ZFYVE28: variants seen among roughly 807,000 people sequenced by gnomAD.
ZFYVE28 encodes zinc finger FYVE-type containing 28.
A neutral mutation model predicts 82.1 loss-of-function variants in ZFYVE28; 40 were observed. The ratio of observed to expected loss-of-function variants is 0.49; its 90% CI spans 0.38 to 0.63. ZFYVE28 has a LOEUF of 0.63. Among genes scored for constraint, ZFYVE28 ranks in the 30% least tolerant of loss-of-function variants. The probability of loss-of-function intolerance (pLI) is 0.00; values close to 1 mark genes in which losing one functional copy is unlikely to be tolerated. For synonymous variants in ZFYVE28, 612 were observed against 546.1 expected (o/e 1.12, Z -1.68); for missense variants, 1,321 against 1,242.1 (o/e 1.06, Z -0.96).
At chr4:2,337,607 CG>C (rs891249004) in intron 4 of ZFYVE28, 111 bp from the exon 5 acceptor site, 6 of 696,812 alleles carry the variant, frequency 8.6e-6, no homozygotes, top group African/African-American at 1.9e-5. Flanking sequence ...AAGGTGGGGG[CG>C]GGGGGCCTCA....
At chr4:2,331,990 C>G (rs1051472076) in intron 6 of ZFYVE28, among the ~76,000 whole-genome samples, 3 of 152,226 alleles carry the variant, frequency 2.0e-5, no homozygotes, top group Non-Finnish European at 4.4e-5. Flanking sequence ...AGCTGTTGAC[C>G]CCCAGCGGTG....
chr4:2,273,054 CT>C, intron 10 of ZFYVE28, 118 bp downstream of exon 10: 1 of 807,968 alleles, frequency 1.2e-6, no homozygotes, highest in Non-Finnish European at 2.0e-6. Flanking sequence ...TCGACGATTG[CT>C]TGGTCGGGAC....
chr4:2,375,782 C>A (rs181503619), intron 1 of ZFYVE28, among the ~76,000 whole-genome samples: 4 of 152,188 alleles, frequency 2.6e-5, no homozygotes, highest in African/African-American at 7.2e-5. Context: ...CCATGTGGGG[C>A]GATTGGAGCC....
At chr4:2,337,544 G>GC in intron 4 of ZFYVE28, 48 bp from the exon 5 acceptor site, 1 of 1,509,664 alleles carries the variant, frequency 6.6e-7, no homozygotes, top group South Asian at 1.3e-5. Context: ...CTGTGGCGGG[G>GC]CCCCTCCAAA....
At chr4:2,367,645 T>C (rs2239723) in intron 1 of ZFYVE28, among the ~76,000 whole-genome samples, 50,915 of 152,260 alleles carry the variant, frequency 0.33, 9,121 homozygotes, top group East Asian at 0.47. Context: ...TCCAAGGTTG[T>C]GGGCCAAGAG....
rs1553865250 is a variant in ZFYVE28, at chr4:2,398,694, G to GGCCAAGATCCAGGGCACAATAGGT, written c.39+19590_39+19591insACCTATTGTGCCCTGGATCTTGGC. 5.9e-4 allele frequency among the ~76,000 whole-genome samples: 68 copies of GGCCAAGATCCAGGGCACAATAGGT among 116,060 alleles called. 5 individuals are homozygous for GGCCAAGATCCAGGGCACAATAGGT. Among genetic ancestry groups the GGCCAAGATCCAGGGCACAATAGGT allele is most frequent in the African/African-American group, 2.3e-3 (68 of 29,418 alleles). The allele number at this position is 116,060 out of a possible 152,430, so 76.1% of individuals were successfully genotyped here. A position where few individuals can be genotyped will look rare whatever the true frequency, so the allele number is the denominator to read the frequency against. ...GGAGCGAGATCCAGGGCACAATGGG[G>GGCCAAGATCCAGGGCACAATAGGT]GGTCGAGATCCAGGGCACAAGCGGG... On this transcript the variant is annotated intron_variant, in intron 1 of 12. Transcript: ENST00000290974.
intron 8 of ZFYVE28, among the ~76,000 whole-genome samples, chr4:2,285,003 A>G (rs1253427242): frequency 6.6e-6 from 1 of 152,220 alleles, no homozygotes; most frequent in Non-Finnish European, 1.5e-5. Context: ...CCTTATTTGG[A>G]AACAGGGTCA....
At chr4:2,293,568 A>T (rs889966856) in intron 8 of ZFYVE28, among the ~76,000 whole-genome samples, 8 of 152,000 alleles carry the variant, frequency 5.3e-5, no homozygotes, top group African/African-American at 1.9e-4. Flanking sequence ...CCTGGCTAAC[A>T]CGGTGAAACC....
At chr4:2,373,432 A>G (rs1426308312) in intron 1 of ZFYVE28, among the ~76,000 whole-genome samples, 1 of 152,166 alleles carries the variant, frequency 6.6e-6, no homozygotes, top group Admixed American at 6.5e-5. Context: ...CCCAGAGGTT[A>G]AGGCAACATT....
At chr4:2,392,079 A>G (rs1256218714) in intron 1 of ZFYVE28, among the ~76,000 whole-genome samples, 1 of 151,636 alleles carries the variant, frequency 6.6e-6, no homozygotes, top group African/African-American at 2.4e-5. Context: ...ACTTGAACCC[A>G]GCAGGCAGAG....
chr4:2,404,886 G>C (rs1221325431), intron 1 of ZFYVE28, among the ~76,000 whole-genome samples: 3 of 139,768 alleles, frequency 2.1e-5, no homozygotes, highest in Non-Finnish European at 4.5e-5. Context: ...TTGAGAGAGG[G>C]TCTTGCTCTG....
At chr4:2,295,173 G>A (rs926756792) in intron 8 of ZFYVE28, among the ~76,000 whole-genome samples, 9 of 151,310 alleles carry the variant, frequency 5.9e-5, no homozygotes, top group Non-Finnish European at 1.2e-4. Context: ...TTTTGTTTTC[G>A]TTTTTTGAGA....
chr4:2,343,122 TC>T (rs1458621309), intron 2 of ZFYVE28: 4 of 152,170 alleles, frequency 2.6e-5, no homozygotes, highest in African/African-American at 9.7e-5. Context: ...TGCCTAATCC[TC>T]CACCTCCACG....
At position 2,304,780 on chromosome 4, in the gene ZFYVE28, G is replaced by A; in HGVS notation, c.1560C>T (p.Asn520=). Residue 520 remains asparagine (N), a synonymous_variant, in exon 8 of 13, where the codon AAC becomes AAT. Coordinates refer to ENST00000290974, the MANE Select transcript of ZFYVE28 (RefSeq NM_020972.3). ...GMKLSATVIF[N]PKSPTSLDSA... is the part of the protein sequence containing the mutation. ...AGTCCAGGGAAGTGGGCGATTTGGG[G>A]TTGAAGATGACCGTGGCTGAGAGCT... The A allele has an allele frequency of 1.9e-6, 3 of 1,612,684 alleles. No homozygotes were observed. The highest frequency in any genetic ancestry group is 2.2e-5 in the East Asian group (1 of 44,878).
At chr4:2,316,072 G>A (rs557640108) in intron 7 of ZFYVE28, 6 of 152,196 alleles carry the variant, frequency 3.9e-5, no homozygotes, top group Middle Eastern at 3.4e-3. Flanking sequence ...TGCTGGGTCC[G>A]ATCTGCTATT....
At chr4:2,333,192 C>A (rs1720996772) in intron 6 of ZFYVE28, among the ~76,000 whole-genome samples, 1 of 147,858 alleles carries the variant, frequency 6.8e-6, no homozygotes, top group Non-Finnish European at 1.5e-5. Context: ...TCCCCCGCAG[C>A]ACTGGCCTCC....
At chr4:2,305,617 T>C in intron 7 of ZFYVE28, 81 bp from the exon 8 acceptor site, 1 of 1,538,378 alleles carries the variant, frequency 6.5e-7, no homozygotes, top group Non-Finnish European at 8.8e-7. Flanking sequence ...CGCAGCACCC[T>C]GGAGTCTGCA....
At chr4:2,273,034 G>A (rs1736054632) in intron 10 of ZFYVE28, 139 bp downstream of exon 10, 3 of 707,966 alleles carry the variant, frequency 4.2e-6, no homozygotes, top group Non-Finnish European at 7.2e-6. Flanking sequence ...GAGGTCAGGG[G>A]ATCCTGGGGT....
intron 12 of ZFYVE28, 162 bp from the exon 13 acceptor site, chr4:2,271,018 CTA>C: frequency 9.4e-7 from 1 of 1,066,418 alleles, no homozygotes; most frequent in South Asian, 1.6e-5. Context: ...AGGCTGGACT[CTA>C]TGAGGGGTCC....
Sources: gnomAD v4.1 joint callset for allele counts (sites outside exome capture counted in the v4.1 genomes callset) on GRCh38, gnomAD v4.1.1 for gene constraint, MANE v1.5 for transcripts, NCBI Gene and HGNC (gene_info 2026-07-23, HGNC 2026-07-21) for gene names.